SCGN: variants seen among roughly 807,000 people sequenced by gnomAD.
SCGN encodes the protein secretagogin, EF-hand calcium binding protein.
A neutral mutation model predicts 39.7 loss-of-function variants in SCGN; 30 were observed. That is an observed-to-expected ratio of 0.76 (90% CI 0.57 to 1.03). The LOEUF (loss-of-function observed/expected upper bound fraction) is 1.03. Among genes scored for constraint, SCGN ranks in the 50% least tolerant of loss-of-function variants. The pLI, the probability that SCGN is intolerant of heterozygous loss-of-function variation, is 0.00. For synonymous variants in SCGN, 106 were observed against 114.1 expected, an observed-to-expected ratio of 0.93 and a Z score of 0.45; for missense variants, 353 against 349.4, an observed-to-expected ratio of 1.01 and a Z score of -0.08.
intron 8 of SCGN, 89 bp downstream of exon 8, chr6:25,689,306 T>G: frequency 8.5e-7 from 1 of 1,181,796 alleles, no homozygotes; most frequent in Non-Finnish European, 1.2e-6. Context: ...GGCATCTATT[T>G]GCCCTACTTT....
intron 1 of SCGN, 36 bp from the exon 2 acceptor site, chr6:25,653,346 T>C: frequency 7.5e-7 from 1 of 1,334,154 alleles, no homozygotes; most frequent in Non-Finnish European, 1.1e-6. Context: ...GTTTTTTATA[T>C]GTTAGTATTA....
At chr6:25,676,648 A>G (rs1759566272) in intron 6 of SCGN, among the ~76,000 whole-genome samples, 2 of 152,120 alleles carry the variant, frequency 1.3e-5, no homozygotes, top group South Asian at 4.2e-4. Context: ...TTAAAATTGT[A>G]CCTCCCAATT....
chr6:25,665,918 A>C (rs1760416560), intron 4 of SCGN, among the ~76,000 whole-genome samples: 1 of 152,226 alleles, frequency 6.6e-6, no homozygotes, highest in Admixed American at 6.5e-5. Context: ...AGAGATTGTC[A>C]CTGACGTTCT....
intron 10 of SCGN, among the ~76,000 whole-genome samples, chr6:25,700,456 G>A (rs1759896926): frequency 6.6e-6 from 1 of 152,066 alleles, no homozygotes. Context: ...ATTGTCAGAG[G>A]ACTGTTGGAC....
intron 2 of SCGN, 79 bp downstream of exon 2, chr6:25,653,531 T>A: frequency 2.9e-6 from 3 of 1,021,586 alleles, no homozygotes; most frequent in Non-Finnish European, 4.5e-6. Context: ...GATTGGTACC[T>A]ATTAATTCCA....
rs752991115 is a variant in SCGN at position 25,652,417 on chromosome 6, G to A, written c.14G>A (p.Arg5Gln). MDSS[R>Q]EPTLGRLDAA... is the part of the protein sequence containing the mutation. ...GTCGTCAACACCATGGACAGCTCCCGGGAACCGACTCTGGGGCGCTTGGAC... is the reference window on the plus strand; with the variant it reads ...GTCGTCAACACCATGGACAGCTCCCAGGAACCGACTCTGGGGCGCTTGGAC... Residue 5 changes from arginine (R) to glutamine (Q), a missense_variant, in exon 1 of 11, where the codon CGG (arginine) becomes CAG (glutamine). By Grantham distance (43) the Arg-to-Gln change is conservative. Coordinates refer to ENST00000377961, the MANE Select transcript of SCGN (RefSeq NM_006998.4). 6 of 1,614,022 alleles carry A rather than the reference G, an allele frequency of 3.7e-6. No individual in the cohort carries two copies. The highest frequency in any genetic ancestry group is 3.3e-5 in the Admixed American group (2 of 60,008).
In SCGN at chr6:25,689,472, G is replaced by A. The variant is rs1187383679; in HGVS notation, c.574-1G>A. ...TGACATAATGTTTTTTCCTTACACAGGCTTGTTCTACTGAAGAAAGGAAAA... is the reference window on the plus strand; with the variant it reads ...TGACATAATGTTTTTTCCTTACACAAGCTTGTTCTACTGAAGAAAGGAAAA... On this transcript the variant is annotated splice_acceptor_variant, in intron 8 of 10. Coordinates refer to ENST00000377961, the MANE Select transcript of SCGN (RefSeq NM_006998.4). LOFTEE classifies it high-confidence loss of function. The A allele has an allele frequency of 6.2e-7, 1 of 1,612,852 alleles. No individual in the cohort carries two copies. Among genetic ancestry groups the A allele is most frequent in the South Asian group, 1.1e-5 (1 of 91,016 alleles).
chr6:25,699,241 G>C (rs1293544456), intron 10 of SCGN, among the ~76,000 whole-genome samples: 1 of 152,044 alleles, frequency 6.6e-6, no homozygotes, highest in African/African-American at 2.4e-5. Flanking sequence ...TTAGATTTGT[G>C]AACAGAAGTT....
At chr6:25,657,277 G>T (rs1197409868) in intron 2 of SCGN, among the ~76,000 whole-genome samples, 1 of 152,104 alleles carries the variant, frequency 6.6e-6, no homozygotes, top group Non-Finnish European at 1.5e-5. Flanking sequence ...CATGGTCGGT[G>T]GGGAAAGGAC....
chr6:25,663,133 G>T (rs140709874), intron 3 of SCGN, among the ~76,000 whole-genome samples: 2 of 152,142 alleles, frequency 1.3e-5, no homozygotes, highest in African/African-American at 2.4e-5. Flanking sequence ...GCCTTAAAAC[G>T]CAATGAGTCT....
At chr6:25,671,235 T>TA (rs1007078603) in intron 6 of SCGN, among the ~76,000 whole-genome samples, 1 of 152,228 alleles carries the variant, frequency 6.6e-6, no homozygotes, top group Non-Finnish European at 1.5e-5. Context: ...ATCTGATGAC[T>TA]AAGGCTTAGA....
At chr6:25,699,710 G>T (rs1759884667) in intron 10 of SCGN, among the ~76,000 whole-genome samples, 2 of 152,000 alleles carry the variant, frequency 1.3e-5, no homozygotes, top group Non-Finnish European at 2.9e-5. Flanking sequence ...GCCCACCCAT[G>T]TTGCCAGTTA....
At chr6:25,684,415 C>A (rs115796886) in intron 7 of SCGN, among the ~76,000 whole-genome samples, 5 of 152,272 alleles carry the variant, frequency 3.3e-5, no homozygotes, top group African/African-American at 9.6e-5. Flanking sequence ...CCCTGAAGAA[C>A]CCACAGATAG....
chr6:25,671,643 G>C (rs991103745), intron 6 of SCGN, among the ~76,000 whole-genome samples: 1 of 152,202 alleles, frequency 6.6e-6, no homozygotes, highest in Non-Finnish European at 1.5e-5. Flanking sequence ...AGCACCAAAG[G>C]TCGAAGTGGG....
At chr6:25,679,336 T>C (rs1189773777) in intron 6 of SCGN, among the ~76,000 whole-genome samples, 2 of 152,204 alleles carry the variant, frequency 1.3e-5, no homozygotes, top group Admixed American at 6.5e-5. Flanking sequence ...ATGTTTGCTA[T>C]AGGGATTTGA....
chr6:25,693,925 G>A (rs1306918073), intron 10 of SCGN, among the ~76,000 whole-genome samples: 1 of 152,138 alleles, frequency 6.6e-6, no homozygotes, highest in Non-Finnish European at 1.5e-5. Flanking sequence ...TCCTCATCTG[G>A]AAGATGGAAA....
intron 4 of SCGN, among the ~76,000 whole-genome samples, chr6:25,668,086 G>T (rs892248386): frequency 6.6e-6 from 1 of 152,130 alleles, no homozygotes; most frequent in Non-Finnish European, 1.5e-5. Context: ...CACAGCATCA[G>T]TATCAACACC....
intron 2 of SCGN, among the ~76,000 whole-genome samples, chr6:25,660,014 T>G (rs1251539015): frequency 6.6e-6 from 1 of 151,978 alleles, no homozygotes; most frequent in Non-Finnish European, 1.5e-5. Flanking sequence ...TGTAAGAAGC[T>G]GGAGCACAAA....
At chr6:25,669,653 A>G in intron 5 of SCGN, 86 bp downstream of exon 5, 2 of 1,098,260 alleles carry the variant, frequency 1.8e-6, no homozygotes, top group Non-Finnish European at 2.8e-6. Flanking sequence ...TGTGGGCCCA[A>G]GAAAGATGTA....
Sources: allele counts gnomAD v4.1 joint callset (sites outside exome capture counted in the v4.1 genomes callset), GRCh38; gene constraint gnomAD v4.1.1; transcripts MANE v1.5; gene names NCBI Gene and HGNC (gene_info 2026-07-23, HGNC 2026-07-21).